The following BTLA variants were observed in gnomAD, a reference collection of about 807,000 sequenced individuals.
BTLA encodes the protein B- and T-lymphocyte attenuator.
A neutral mutation model predicts 25.0 loss-of-function variants in BTLA; 11 were observed. The ratio of observed to expected loss-of-function variants is 0.44; its 90% confidence interval spans 0.28 to 0.73. BTLA has a LOEUF of 0.73. BTLA is among the 30% of genes least tolerant of loss of function. The probability of loss-of-function intolerance (pLI) is 0.15; values close to 1 mark genes in which losing one functional copy is unlikely to be tolerated. For synonymous variants in BTLA, 104 were observed against 119.8 expected, an observed-to-expected ratio of 0.87 and a Z score of 0.86; for missense variants, 282 against 332.8, an observed-to-expected ratio of 0.85 and a Z score of 1.19.
chr3:112,471,269 A>G lies in BTLA; in HGVS notation c.490T>C (p.Leu164=), dbSNP rs969406748. Residue 164 remains leucine (L), a synonymous_variant, in exon 3 of 5, where the codon TTG becomes CTG. Coordinates refer to ENST00000334529, the MANE Select transcript of BTLA (RefSeq NM_181780.4). ...AAACAGGTAGTGATGAGTAGAGGCA[A>G]TCCCCCCAAAGGAAGTAAACGATAC... ...LLYRLLPLGG[L]PLLITTCFCL... is the part of the protein sequence containing the mutation. 6 of 1,614,014 alleles carry G rather than the reference A, an allele frequency of 3.7e-6. No individual in the cohort carries two copies. In the African/African-American group the frequency reaches 6.7e-5, roughly 18 times the overall value.
chr3:112,473,187 A>G (rs1307049003), intron 2 of BTLA, among the ~76,000 whole-genome samples: 2 of 151,940 alleles, frequency 1.3e-5, no homozygotes, highest in Non-Finnish European at 2.9e-5. Flanking sequence ...TGAGAAAATG[A>G]TGAGGGTGTA....
At chr3:112,494,218 C>T (rs991332580) in intron 1 of BTLA, among the ~76,000 whole-genome samples, 4 of 152,094 alleles carry the variant, frequency 2.6e-5, no homozygotes, top group Non-Finnish European at 5.9e-5. Context: ...TAACATCTCA[C>T]GCCAGTCAGA....
intron 1 of BTLA, among the ~76,000 whole-genome samples, chr3:112,491,178 A>G (rs765030659): frequency 6.6e-6 from 1 of 152,188 alleles, no homozygotes; most frequent in African/African-American, 2.4e-5. Flanking sequence ...CAAGAAGAGA[A>G]CCTTAGAGGT....
chr3:112,488,230 T>TTC (rs1553732279), intron 1 of BTLA, among the ~76,000 whole-genome samples: 2 of 135,130 alleles, frequency 1.5e-5, no homozygotes, highest in African/African-American at 6.3e-5. Context: ...TCTTTTTTCT[T>TTC]TTTTTTTTTT....
chr3:112,498,068 T>G (rs2082419504), intron 1 of BTLA, among the ~76,000 whole-genome samples: 1 of 152,046 alleles, frequency 6.6e-6, no homozygotes, highest in Admixed American at 6.5e-5. Flanking sequence ...GAGAACTGAG[T>G]AGATGTTATA....
chr3:112,465,947 A>T lies in BTLA; in HGVS notation c.*161T>A. On this transcript the variant is annotated 3_prime_UTR_variant, in exon 5 of 5. Transcript: ENST00000334529. ...CAAATAAGTTTCTGAGAGAAATTTT[A>T]ATCATTTATCCTATGGACCCTTAAG... 2.9e-6 allele frequency: 2 copies of T among 682,222 alleles called. No homozygotes were observed. Among genetic ancestry groups the T allele is most frequent in the Non-Finnish European group, 4.4e-6 (2 of 454,754 alleles). 42.3% of individuals were successfully genotyped at this position (682,222 alleles called of 1,614,324 possible). A position where few individuals can be genotyped will look rare whatever the true frequency, so the allele number is the denominator to read the frequency against.
intron 1 of BTLA, among the ~76,000 whole-genome samples, chr3:112,485,593 T>C (rs2082342485): frequency 1.3e-5 from 2 of 151,866 alleles, no homozygotes; most frequent in African/African-American, 4.8e-5. Context: ...GACGGAGTTT[T>C]GCTCTTGTTG....
At chr3:112,483,083 A>T (rs4682410) in intron 1 of BTLA, among the ~76,000 whole-genome samples, 4 of 150,710 alleles carry the variant, frequency 2.7e-5, no homozygotes, top group Non-Finnish European at 5.9e-5. Context: ...TTTACCCTCA[A>T]AGAGTTTACC....
intron 1 of BTLA, among the ~76,000 whole-genome samples, chr3:112,488,228 CTT>C (rs546779181): frequency 1.2e-4 from 15 of 124,834 alleles, no homozygotes; most frequent in African/African-American, 4.0e-4. Flanking sequence ...TTTCTTTTTT[CTT>C]TTTTTTTTTT....
chr3:112,496,188 A>G (rs911064509), intron 1 of BTLA, among the ~76,000 whole-genome samples: 2 of 152,220 alleles, frequency 1.3e-5, no homozygotes, highest in African/African-American at 4.8e-5. Context: ...CAAATGGTCC[A>G]GGATGACAGG....
intron 4 of BTLA, among the ~76,000 whole-genome samples, chr3:112,467,240 G>T (rs537231337): frequency 6.6e-6 from 1 of 152,238 alleles, no homozygotes. Context: ...GATTATAGAC[G>T]TGAGCCACCA....
rs147268869 is a variant in BTLA, at chr3:112,466,443, T to C, written c.595-60A>G. On this transcript the variant is annotated intron_variant, in intron 4 of 4. Transcript: ENST00000334529. ...TTACGGCCATGGTAGTGCATATTCA[T>C]TAGCAAACTATGAATGAAAAGCTTA... 5.7e-3 allele frequency: 8,189 copies of C among 1,434,464 alleles called. 25 individuals carry two copies. Among genetic ancestry groups the C allele is most frequent in the Non-Finnish European group, 6.5e-3 (7,038 of 1,078,554 alleles). The allele number at this position is 1,434,464 out of a possible 1,614,324, so 88.9% of individuals were successfully genotyped here. A position where few individuals can be genotyped will look rare whatever the true frequency, so the allele number is the denominator to read the frequency against.
At chr3:112,491,566 C>T (rs2082380157) in intron 1 of BTLA, among the ~76,000 whole-genome samples, 1 of 152,130 alleles carries the variant, frequency 6.6e-6, no homozygotes, top group Non-Finnish European at 1.5e-5. Flanking sequence ...AGGACTTTAA[C>T]CCAGGTGTGG....
intron 1 of BTLA, among the ~76,000 whole-genome samples, chr3:112,493,414 T>C (rs2082390808): frequency 6.6e-6 from 1 of 152,172 alleles, no homozygotes; most frequent in Non-Finnish European, 1.5e-5. Flanking sequence ...GAAAAAGGCC[T>C]AATATCCAGA....
intron 3 of BTLA, chr3:112,470,134 A>T (rs1387168790): frequency 5.2e-6 from 1 of 192,624 alleles, no homozygotes; most frequent in African/African-American, 2.3e-5. Flanking sequence ...TCACCTATGT[A>T]GCCAAGATCT....
At chr3:112,468,225 G>A (rs924267491) in intron 4 of BTLA, among the ~76,000 whole-genome samples, 1 of 152,184 alleles carries the variant, frequency 6.6e-6, no homozygotes, top group Non-Finnish European at 1.5e-5. Context: ...CAATTCAGTG[G>A]TTTTTATTAG....
chr3:112,466,069 C>A lies in BTLA; in HGVS notation c.*39G>T. On this transcript the variant is annotated 3_prime_UTR_variant, in exon 5 of 5. Coordinates refer to ENST00000334529, the MANE Select transcript of BTLA (RefSeq NM_181780.4). The stretch of plus-strand genomic sequence containing the variant: ...GAGCCCAGACAATGATGTCAACATG[C>A]TGATCATTCAATGGTCCCTGTTGGA... 6.6e-7 allele frequency: 1 copy of A among 1,507,778 alleles called. No individual in the cohort carries two copies. Among genetic ancestry groups the A allele is most frequent in the East Asian group, 2.3e-5 (1 of 43,426 alleles). 93.4% of individuals were successfully genotyped at this position (1,507,778 alleles called of 1,614,324 possible). A position where few individuals can be genotyped will look rare whatever the true frequency, so the allele number is the denominator to read the frequency against.
chr3:112,483,225 C>T (rs1031140899), intron 1 of BTLA, among the ~76,000 whole-genome samples: 16 of 148,730 alleles, frequency 1.1e-4, no homozygotes, highest in African/African-American at 1.2e-4. Context: ...CTCGGCTCAC[C>T]GTAACCTCTG....
chr3:112,476,914 T>C (rs564698237), intron 2 of BTLA, among the ~76,000 whole-genome samples: 93 of 152,332 alleles, frequency 6.1e-4, no homozygotes, highest in African/African-American at 2.2e-3. Context: ...CTATTTTGGA[T>C]ATTTCATATA....
Sources: gnomAD v4.1 joint callset for allele counts (sites outside exome capture counted in the v4.1 genomes callset) on GRCh38, gnomAD v4.1.1 for gene constraint, MANE v1.5 for transcripts, NCBI Gene and HGNC (gene_info 2026-07-23, HGNC 2026-07-21) for gene names.